The following DOT1L variants were observed in gnomAD, a reference collection of about 807,000 sequenced individuals.
DOT1L encodes the protein histone-lysine N-methyltransferase, H3 lysine-79 specific.
A neutral mutation model predicts 153.3 loss-of-function variants in DOT1L; 33 were observed. The observed-to-expected ratio is 0.22, with a 90% confidence interval of 0.16 to 0.29. DOT1L has a LOEUF of 0.29. Ranked by LOEUF, DOT1L falls within the 10% of genes least tolerant of loss-of-function variation. The pLI, the probability that DOT1L is intolerant of heterozygous loss-of-function variation, is 1.00. For missense variants in DOT1L, 1,847 were observed against 2,119.9 expected (o/e 0.87, Z 2.53); for synonymous variants, 1,135 against 965.1 (o/e 1.18, Z -3.26).
At chr19:2,218,209 C>T (rs571120350) in intron 22 of DOT1L, among the ~76,000 whole-genome samples, 7 of 152,316 alleles carry the variant, frequency 4.6e-5, no homozygotes, top group Admixed American at 1.3e-4. Context: ...TCACTCCTCA[C>T]GAGGCCACAT....
intron 2 of DOT1L, among the ~76,000 whole-genome samples, chr19:2,183,081 TC>T (rs1389046049): frequency 1.2e-4 from 18 of 152,278 alleles, no homozygotes; most frequent in African/African-American, 3.8e-4. Flanking sequence ...ACCTTTTCTG[TC>T]TCACTTCCTC....
intron 1 of DOT1L, among the ~76,000 whole-genome samples, chr19:2,178,650 C>G (rs2022076403): frequency 6.6e-6 from 1 of 152,068 alleles, no homozygotes; most frequent in South Asian, 2.1e-4. Context: ...ATCTCCTGAC[C>G]TTGTGATCCA....
chr19:2,189,352 A>G (rs560750855), intron 3 of DOT1L, among the ~76,000 whole-genome samples: 3 of 152,286 alleles, frequency 2.0e-5, no homozygotes, highest in South Asian at 4.1e-4. Context: ...AGGGCAAGGA[A>G]GACCCTCTAA....
In DOT1L at chr19:2,217,037, C is replaced by G. The variant is rs753979603; in HGVS notation, c.2491C>G (p.Arg831Gly). ...GSMKLSPQDP[R>G]PLSPGALQLA... The stretch of plus-strand genomic sequence containing the variant: ...CATGAAGCTGAGCCCTCAGGACCCG[C>G]GGCCCCTGTCCCCTGGGGCCTTGCA... Residue 831 changes from arginine (R) to glycine (G), a missense_variant, in exon 21 of 28, where the codon CGG becomes GGG. By Grantham distance (125) the Arg-to-Gly change is moderately radical (BLOSUM62 -2). Around this residue, in one of 8 missense-constraint regions of DOT1L, gnomAD observed 281 missense variants for 263.6 expected, o/e 1.07. Transcript: ENST00000398665. The surrounding 1 kb of genome is among the most constrained non-coding windows in gnomAD (Gnocchi z 7.3). 8.7e-6 allele frequency: 14 copies of G among 1,612,608 alleles called. No homozygotes were observed. Among genetic ancestry groups the G allele is most frequent in the Non-Finnish European group, 1.1e-5 (13 of 1,179,688 alleles).
intron 9 of DOT1L, among the ~76,000 whole-genome samples, chr19:2,206,034 T>A (rs183573081): frequency 6.1e-4 from 92 of 151,838 alleles, no homozygotes; most frequent in Admixed American, 2.9e-3. Context: ...TCTCTCTCTA[T>A]CGCCCAGGCT....
intron 19 of DOT1L, among the ~76,000 whole-genome samples, chr19:2,215,020 A>T (rs2023845655): frequency 6.6e-6 from 1 of 152,074 alleles, no homozygotes. Context: ...GTTGGAGAAC[A>T]GCCTGGCCAA....
At chr19:2,164,343 A>C in intron 1 of DOT1L, 78 bp downstream of exon 1, 7 of 1,024,072 alleles carry the variant, frequency 6.8e-6, no homozygotes, top group South Asian at 4.9e-5. Context: ...AAACCCCCCC[A>C]AGCCGCGCTC....
intron 12 of DOT1L, 93 bp from the exon 13 acceptor site, chr19:2,210,307 G>GC (rs910987469): frequency 1.8e-6 from 2 of 1,133,530 alleles, no homozygotes; most frequent in African/African-American, 3.1e-5. Context: ...TGGGCCCGTG[G>GC]CCCCCTTGAG....
Position 2,216,393 on chromosome 19 carries a change from T to C in DOT1L, c.2036T>C (p.Leu679Pro). The C allele has an allele frequency of 6.2e-7, 1 of 1,612,408 alleles. No individual in the cohort carries two copies. The highest frequency in any genetic ancestry group is 1.1e-5 in the South Asian group (1 of 91,058). The change falls in exon 20 of 28, where the codon CTG becomes CCG. Residue 679 changes from leucine (L) to proline (P), a missense_variant. Transcript: ENST00000398665. ...LSLHLRGKGALGRELEPDASR... is the reference protein window; with the variant it reads ...LSLHLRGKGAPGRELEPDASR... ...CTGCACCTGCGTGGGAAGGGCGCCC[T>C]GGGCCGCGAGCTGGAGCCTGACGCC...
intron 1 of DOT1L, among the ~76,000 whole-genome samples, chr19:2,172,829 C>T (rs1324536229): frequency 4.0e-5 from 6 of 150,340 alleles, no homozygotes; most frequent in Admixed American, 4.0e-4. Flanking sequence ...TTTGAAATAA[C>T]ATCCTTGTTG....
rs1182798440 is a variant in DOT1L at position 2,232,554 on chromosome 19, A to G, written c.*2762A>G. ...CTGCATCCCCACCTCTAGACGCTGT[A>G]ATAAACAGACTGTTTTCACTCGGAC... On this transcript the variant is annotated 3_prime_UTR_variant, in exon 28 of 28. Coordinates refer to ENST00000398665, the MANE Select transcript of DOT1L (RefSeq NM_032482.3). 4.8e-6 allele frequency: 1 copy of G among 210,276 alleles called. No individual in the cohort carries two copies. Among genetic ancestry groups the G allele is most frequent in the Non-Finnish European group, 9.7e-6 (1 of 103,532 alleles). The allele number at this position is 210,276 out of a possible 1,614,324, so 13.0% of individuals were successfully genotyped here.
intron 1 of DOT1L, among the ~76,000 whole-genome samples, chr19:2,166,480 C>T (rs79300993): frequency 6.6e-6 from 1 of 151,420 alleles, no homozygotes; most frequent in Non-Finnish European, 1.5e-5. Context: ...GGTGCCATCT[C>T]TGCTCACTGC....
intron 22 of DOT1L, among the ~76,000 whole-genome samples, chr19:2,218,636 G>T (rs996209346): frequency 2.0e-5 from 3 of 151,876 alleles, no homozygotes; most frequent in African/African-American, 7.3e-5. Flanking sequence ...CTAGTGATCC[G>T]CCCGCCTGGG....
chr19:2,226,945 C>T lies in DOT1L; in HGVS notation c.4424C>T (p.Ala1475Val), dbSNP rs2024367565. 1.9e-6 allele frequency: 3 copies of T among 1,586,010 alleles called. No individual in the cohort carries two copies. The highest frequency in any genetic ancestry group is 1.7e-4 in the Middle Eastern group (1 of 5,784). ...CCCTTCCCGCCGGGACCGCAGTTCG[C>T]GCTCGGCCCCATGTCCCTGCAGGCC... ...LGPFPPGPQF[A>V]LGPMSLQANL... is the part of the protein sequence containing the mutation. The change falls in exon 27 of 28, where the codon GCG becomes GTG. Residue 1475 changes from alanine (A) to valine (V), a missense_variant. Physicochemically the swap from Ala to Val is moderately conservative, Grantham distance 64. Around this residue, in one of 8 missense-constraint regions of DOT1L, gnomAD observed 934 missense variants for 825.3 expected, o/e 1.13. Coordinates refer to ENST00000398665, the MANE Select transcript of DOT1L (RefSeq NM_032482.3).
chr19:2,186,810 C>T (rs2022529381), intron 3 of DOT1L, among the ~76,000 whole-genome samples: 1 of 152,262 alleles, frequency 6.6e-6, no homozygotes, highest in Non-Finnish European at 1.5e-5. Context: ...TTCACGCCAC[C>T]TGCCTCGCAT....
At chr19:2,168,019 A>G (rs1422050088) in intron 1 of DOT1L, among the ~76,000 whole-genome samples, 2 of 152,072 alleles carry the variant, frequency 1.3e-5, no homozygotes, top group Non-Finnish European at 2.9e-5. Context: ...ACAGGCGTGA[A>G]CCACCGTGCC....
At position 2,207,558 on chromosome 19, in the gene DOT1L, C is replaced by G; in HGVS notation, c.857-16C>G. 6.2e-7 allele frequency: 1 copy of G among 1,604,124 alleles called. No homozygotes were observed. Among genetic ancestry groups the G allele is most frequent in the Non-Finnish European group, 8.5e-7 (1 of 1,177,416 alleles). Reference sequence around the variant, plus strand: ...TGGGCAGGCGCAGGCCCCGGCCTCACCTGTGGCTCCTGCAGACATCGGCAC... The same window carrying G: ...TGGGCAGGCGCAGGCCCCGGCCTCAGCTGTGGCTCCTGCAGACATCGGCAC... On this transcript the variant is annotated splice_polypyrimidine_tract_variant and intron_variant, in intron 10 of 27. Coordinates refer to ENST00000398665, the MANE Select transcript of DOT1L (RefSeq NM_032482.3). The surrounding 1 kb of genome is among the most constrained non-coding windows in gnomAD (Gnocchi z 4.5).
At chr19:2,200,958 C>G (rs565655800) in intron 8 of DOT1L, among the ~76,000 whole-genome samples, 1 of 137,672 alleles carries the variant, frequency 7.3e-6, no homozygotes, top group African/African-American at 2.8e-5. Flanking sequence ...TCGTCCTCCC[C>G]GCATTCCTCG....
At chr19:2,195,573 T>C (rs2022980859) in intron 7 of DOT1L, among the ~76,000 whole-genome samples, 1 of 152,098 alleles carries the variant, frequency 6.6e-6, no homozygotes, top group South Asian at 2.1e-4. Flanking sequence ...ATTCTAGACC[T>C]GGAGCCCCTG....
Sources: gnomAD v4.1 joint callset for allele counts (sites outside exome capture counted in the v4.1 genomes callset) on GRCh38, gnomAD v4.1.1 for gene constraint, gnomAD v4.1.1 regional missense constraint, Gnocchi (gnomAD v3.1) non-coding constraint, MANE v1.5 for transcripts, NCBI Gene and HGNC (gene_info 2026-07-23, HGNC 2026-07-21) for gene names.